Variants in RABL3 observed in about 807,000 individuals in gnomAD.
RABL3 encodes RAB, member of RAS oncogene family like 3.
A neutral mutation model predicts 31.8 loss-of-function variants in RABL3; 31 were observed. The ratio of observed to expected loss-of-function variants is 0.97; its 90% CI spans 0.73 to 1.31. The LOEUF is 1.31. RABL3 is among the 40% of genes most tolerant of loss of function. RABL3 has a pLI of 0.00. For missense variants in RABL3, 263 were observed against 279.6 expected (o/e 0.94, Z 0.42); for synonymous variants, 97 against 99.9 (o/e 0.97, Z 0.18).
intron 3 of RABL3, among the ~76,000 whole-genome samples, chr3:120,709,435 T>C (rs1708586950): frequency 6.6e-6 from 1 of 152,044 alleles, no homozygotes; most frequent in Non-Finnish European, 1.5e-5. Flanking sequence ...ATGGGACTCC[T>C]ATGGTCCTAC....
chr3:120,732,353 C>G (rs1259930249), intron 1 of RABL3, among the ~76,000 whole-genome samples: 2 of 152,118 alleles, frequency 1.3e-5, no homozygotes, highest in African/African-American at 4.8e-5. Flanking sequence ...CCACTATTCT[C>G]TGGGCCTCCA....
At chr3:120,729,628 G>C (rs1381591290) in intron 2 of RABL3, among the ~76,000 whole-genome samples, 1 of 151,952 alleles carries the variant, frequency 6.6e-6, no homozygotes, top group Non-Finnish European at 1.5e-5. Flanking sequence ...GAACTAAAAG[G>C]AACATCTAGA....
At chr3:120,720,567 T>C (rs1708726785) in intron 2 of RABL3, among the ~76,000 whole-genome samples, 1 of 152,058 alleles carries the variant, frequency 6.6e-6, no homozygotes, top group Non-Finnish European at 1.5e-5. Flanking sequence ...ATTCAATCAA[T>C]TGGAAGAAAG....
intron 2 of RABL3, among the ~76,000 whole-genome samples, chr3:120,719,851 A>C (rs1708715770): frequency 6.6e-6 from 1 of 152,224 alleles, no homozygotes; most frequent in South Asian, 2.1e-4. Context: ...TTCTCCCAGC[A>C]TGCAGCTTGA....
chr3:120,704,550 C>G (rs1388190355), intron 4 of RABL3, among the ~76,000 whole-genome samples: 1 of 152,156 alleles, frequency 6.6e-6, no homozygotes, highest in African/African-American at 2.4e-5. Context: ...AGTTAGTACC[C>G]TTTTGGAAGT....
intron 4 of RABL3, 21 bp from the exon 5 acceptor site, chr3:120,698,594 GA>G (rs1708464066): frequency 6.3e-7 from 1 of 1,586,112 alleles, no homozygotes; most frequent in Admixed American, 1.7e-5. Context: ...TAATAATGAA[GA>G]GGTGAATAGA....
At chr3:120,742,363 G>T (rs565887152) in intron 1 of RABL3, 99 bp downstream of exon 1, 2 of 1,146,530 alleles carry the variant, frequency 1.7e-6, no homozygotes, top group East Asian at 4.8e-5. Flanking sequence ...CTTCAGCCAC[G>T]GGCCGAGGAG....
At chr3:120,741,862 C>T (rs1709047307) in intron 1 of RABL3, among the ~76,000 whole-genome samples, 1 of 152,126 alleles carries the variant, frequency 6.6e-6, no homozygotes, top group Non-Finnish European at 1.5e-5. Context: ...GGACCACTAC[C>T]CAATATGTCA....
intron 2 of RABL3, among the ~76,000 whole-genome samples, chr3:120,715,291 C>T (rs571536801): frequency 6.6e-6 from 1 of 152,202 alleles, no homozygotes; most frequent in African/African-American, 2.4e-5. Context: ...ATAATCCCAG[C>T]ACATTTGGAG....
At chr3:120,733,680 T>C (rs910720829) in intron 1 of RABL3, among the ~76,000 whole-genome samples, 2 of 152,238 alleles carry the variant, frequency 1.3e-5, no homozygotes, top group Non-Finnish European at 2.9e-5. Context: ...AGGGTTTTTA[T>C]GGTTTTAGGT....
chr3:120,696,979 T>A (rs928480154), intron 5 of RABL3, among the ~76,000 whole-genome samples: 22 of 152,204 alleles, frequency 1.4e-4, no homozygotes, highest in South Asian at 4.1e-4. Flanking sequence ...GCAGTGTTCA[T>A]AAACATTGAT....
intron 1 of RABL3, among the ~76,000 whole-genome samples, chr3:120,738,180 T>G (rs1708995802): frequency 6.6e-6 from 1 of 152,228 alleles, no homozygotes; most frequent in African/African-American, 2.4e-5. Flanking sequence ...GGCCTCTTTG[T>G]TTACTTACTC....
intron 2 of RABL3, among the ~76,000 whole-genome samples, chr3:120,713,953 G>A (rs1487286101): frequency 6.6e-6 from 1 of 151,924 alleles, no homozygotes; most frequent in East Asian, 1.9e-4. Context: ...TGGGATTACA[G>A]GCACATGTCA....
chr3:120,712,514 G>A lies in RABL3; in HGVS notation c.139-2605C>T, dbSNP rs143161982. Among the ~76,000 whole-genome samples the A allele has an allele frequency of 3.5e-3, 531 of 152,204 alleles. 2 individuals carry two copies. The highest frequency in any genetic ancestry group is 0.011 in the African/African-American group (466 of 41,540). On this transcript the variant is annotated intron_variant, in intron 2 of 7. Transcript: ENST00000273375. Reference sequence around the variant, plus strand: ...GTTATCTGTTATGAAAAAGCTCAGCGACTTCAGTTAAGTCTTTCTGATCCT... The same window carrying A: ...GTTATCTGTTATGAAAAAGCTCAGCAACTTCAGTTAAGTCTTTCTGATCCT...
intron 4 of RABL3, among the ~76,000 whole-genome samples, chr3:120,702,478 C>T (rs1188395719): frequency 6.6e-6 from 1 of 152,110 alleles, no homozygotes; most frequent in East Asian, 1.9e-4. Flanking sequence ...ACTCACCTCC[C>T]ACTGTGTGGC....
intron 1 of RABL3, among the ~76,000 whole-genome samples, chr3:120,738,011 ACT>A (rs779426198): frequency 6.6e-6 from 1 of 151,910 alleles, no homozygotes; most frequent in South Asian, 2.1e-4. Flanking sequence ...CTGTTCTCAA[ACT>A]CTGTGCTGGG....
rs537711735 is a variant in RABL3, at chr3:120,695,674, T to C, written c.535-1450A>G. 1.3e-4 allele frequency among the ~76,000 whole-genome samples: 20 copies of C among 152,274 alleles called. No homozygotes were observed. The South Asian group carries it at 1.7e-3, about 13-fold the overall frequency. On this transcript the variant is annotated intron_variant, in intron 5 of 7. Coordinates refer to ENST00000273375, the MANE Select transcript of RABL3 (RefSeq NM_173825.5). ...ATTGCACTAACTATGGTATTTGAAATAGTGTTTGAACACATTTCTACAGCA... is the reference window on the plus strand; with the variant it reads ...ATTGCACTAACTATGGTATTTGAAACAGTGTTTGAACACATTTCTACAGCA...
At chr3:120,692,479 T>G (rs974383101) in intron 6 of RABL3, among the ~76,000 whole-genome samples, 5 of 152,178 alleles carry the variant, frequency 3.3e-5, no homozygotes, top group African/African-American at 7.2e-5. Context: ...ATTACAGGCG[T>G]GAGGCACCGT....
At chr3:120,716,194 G>A (rs1358839674) in intron 2 of RABL3, among the ~76,000 whole-genome samples, 1 of 152,142 alleles carries the variant, frequency 6.6e-6, no homozygotes, top group African/African-American at 2.4e-5. Flanking sequence ...TTTATAGTTT[G>A]TGAAAAGACT....
Sources: gnomAD v4.1 joint callset for allele counts (sites outside exome capture counted in the v4.1 genomes callset) on GRCh38, gnomAD v4.1.1 for gene constraint, MANE v1.5 for transcripts, NCBI Gene and HGNC (gene_info 2026-07-23, HGNC 2026-07-21) for gene names.